Variants in GABRB1 observed in about 807,000 individuals in gnomAD.
The protein encoded by GABRB1 is gamma-aminobutyric acid receptor subunit beta-1.
GABRB1 carries 17 observed loss-of-function variants against 51.6 expected under a neutral mutation model. The ratio of observed to expected loss-of-function variants is 0.33; its 90% confidence interval spans 0.23 to 0.49. The LOEUF is 0.49. Among genes scored for constraint, GABRB1 ranks in the 20% least tolerant of loss-of-function variants. The pLI is 0.99. For synonymous variants in GABRB1, 247 were observed against 218.9 expected (o/e 1.13, Z -1.14); for missense variants, 410 against 600.6 (o/e 0.68, Z 3.32).
chr4:47,137,026 C>T (rs553818255), intron 3 of GABRB1, among the ~76,000 whole-genome samples: 3 of 152,068 alleles, frequency 2.0e-5, no homozygotes, highest in South Asian at 2.1e-4. Flanking sequence ...CTGACTTTGC[C>T]GATATGAAAA....
chr4:47,292,567 C>T (rs1263757073), intron 4 of GABRB1, among the ~76,000 whole-genome samples: 2 of 152,174 alleles, frequency 1.3e-5, no homozygotes, highest in Admixed American at 6.5e-5. Context: ...GAGCTTAAAA[C>T]AATTTATGGA....
At chr4:47,407,320 T>TAA (rs2110055658) in intron 8 of GABRB1, among the ~76,000 whole-genome samples, 1 of 152,330 alleles carries the variant, frequency 6.6e-6, no homozygotes. Context: ...ATTCCCAGTT[T>TAA]AGTCACCTAA....
chr4:47,420,727 T>C (rs906118441), intron 8 of GABRB1, among the ~76,000 whole-genome samples: 9 of 152,268 alleles, frequency 5.9e-5, no homozygotes, highest in Admixed American at 5.2e-4. Flanking sequence ...CAGCTTCAGA[T>C]ATAAGAATAC....
At chr4:47,325,571 T>C (rs1164283078) in intron 5 of GABRB1, among the ~76,000 whole-genome samples, 1 of 152,210 alleles carries the variant, frequency 6.6e-6, no homozygotes, top group Non-Finnish European at 1.5e-5. Context: ...GTCATCATTT[T>C]CCTCTTGCTT....
intron 4 of GABRB1, among the ~76,000 whole-genome samples, chr4:47,311,280 T>G (rs1358915354): frequency 1.6e-5 from 2 of 125,482 alleles, no homozygotes; most frequent in African/African-American, 2.9e-5. Flanking sequence ...AGCGTGGTGT[T>G]TCATGCTTGT....
At chr4:47,362,931 GA>G (rs1281417265) in intron 5 of GABRB1, among the ~76,000 whole-genome samples, 1 of 152,058 alleles carries the variant, frequency 6.6e-6, no homozygotes, top group Non-Finnish European at 1.5e-5. Context: ...AGTACACTGT[GA>G]ACATGCCATG....
chr4:47,423,564 A>C (rs1729159525), intron 8 of GABRB1, among the ~76,000 whole-genome samples: 1 of 152,196 alleles, frequency 6.6e-6, no homozygotes, highest in South Asian at 2.1e-4. Flanking sequence ...CATCTCTCAC[A>C]CAGTAAGCAC....
At chr4:47,234,983 T>G (rs561363333) in intron 4 of GABRB1, among the ~76,000 whole-genome samples, 1 of 152,340 alleles carries the variant, frequency 6.6e-6, no homozygotes, top group South Asian at 2.1e-4. Context: ...TGAGATCATC[T>G]TTTACATTGT....
intron 3 of GABRB1, among the ~76,000 whole-genome samples, chr4:47,052,964 T>C (rs1726421540): frequency 6.6e-6 from 1 of 152,184 alleles, no homozygotes; most frequent in African/African-American, 2.4e-5. Context: ...AAGAGTAGAA[T>C]GAGGCGCTGT....
At chr4:47,177,195 C>T (rs965018228) in intron 4 of GABRB1, among the ~76,000 whole-genome samples, 19 of 152,144 alleles carry the variant, frequency 1.2e-4, no homozygotes, top group Admixed American at 1.0e-3. Flanking sequence ...GCATAGATAA[C>T]GAAGCACTGA....
chr4:47,170,411 A>G (rs917810869), intron 4 of GABRB1, among the ~76,000 whole-genome samples: 2 of 151,844 alleles, frequency 1.3e-5, no homozygotes, highest in Non-Finnish European at 2.9e-5. Context: ...ACGCACACAC[A>G]CACACACGCA....
intron 4 of GABRB1, among the ~76,000 whole-genome samples, chr4:47,297,488 A>G (rs1250177652): frequency 6.6e-6 from 1 of 152,162 alleles, no homozygotes; most frequent in Non-Finnish European, 1.5e-5. Flanking sequence ...ACCTCTACAC[A>G]AATAAACTAG....
intron 4 of GABRB1, among the ~76,000 whole-genome samples, chr4:47,171,659 C>G (rs1296921241): frequency 1.3e-5 from 2 of 152,052 alleles, no homozygotes; most frequent in African/African-American, 2.4e-5. Flanking sequence ...TATGGGAAAT[C>G]ATTATGTTTA....
chr4:47,032,055 T>A, intron 2 of GABRB1, 50 bp downstream of exon 2: 1 of 1,312,656 alleles, frequency 7.6e-7, no homozygotes, highest in Non-Finnish European at 1.1e-6. Context: ...GTTCTCCTTT[T>A]CTGTCAAAGA....
At chr4:47,144,624 T>C (rs1007906439) in intron 3 of GABRB1, among the ~76,000 whole-genome samples, 2 of 151,896 alleles carry the variant, frequency 1.3e-5, no homozygotes, top group Admixed American at 6.6e-5. Context: ...TAACTGAACC[T>C]CAAAGGGGTT....
At chr4:47,176,457 G>A (rs547995423) in intron 4 of GABRB1, among the ~76,000 whole-genome samples, 90 of 152,214 alleles carry the variant, frequency 5.9e-4, no homozygotes, top group South Asian at 5.4e-3. Flanking sequence ...TGAAAGAACA[G>A]ACTTGAGGAA....
At chr4:47,416,580 T>C (rs919503230) in intron 8 of GABRB1, among the ~76,000 whole-genome samples, 1 of 151,544 alleles carries the variant, frequency 6.6e-6, no homozygotes, top group Non-Finnish European at 1.5e-5. Flanking sequence ...CCTCCCTGAG[T>C]AGCTGGGACT....
At chr4:47,400,688 C>G (rs1462843126) in intron 5 of GABRB1, among the ~76,000 whole-genome samples, 1 of 151,894 alleles carries the variant, frequency 6.6e-6, no homozygotes, top group African/African-American at 2.4e-5. Flanking sequence ...GTACATTGTA[C>G]CTAATATGTG....
At chr4:47,076,859 G>T (rs1257566086) in intron 3 of GABRB1, among the ~76,000 whole-genome samples, 1 of 151,938 alleles carries the variant, frequency 6.6e-6, no homozygotes, top group Non-Finnish European at 1.5e-5. Context: ...TTCCACGAGG[G>T]GCCCCATTTT....
Sources: allele counts gnomAD v4.1 joint callset (sites outside exome capture counted in the v4.1 genomes callset), GRCh38; gene constraint gnomAD v4.1.1; transcripts MANE v1.5; gene names NCBI Gene and HGNC (gene_info 2026-07-23, HGNC 2026-07-21).